ARMH4: variants seen among roughly 807,000 people sequenced by gnomAD.
ARMH4 encodes armadillo like helical domain containing 4, also known as armadillo-like helical domain-containing protein 4.
In ARMH4, 49 loss-of-function variants were observed where a neutral mutation model predicts 61.9. That is an observed-to-expected ratio of 0.79 (90% CI 0.63 to 1.00). ARMH4 has a LOEUF of 1.00. Among genes scored for constraint, ARMH4 ranks in the 50% least tolerant of loss-of-function variants. The pLI, the probability that ARMH4 is intolerant of heterozygous loss-of-function variation, is 0.00. For synonymous variants in ARMH4, 368 were observed against 341.5 expected (o/e 1.08, Z -0.85); for missense variants, 934 against 930.0 (o/e 1.00, Z -0.06).
rs1452239402 is a variant in ARMH4 at position 58,003,740 on chromosome 14, T to C, written c.*996A>G. Reference sequence around the variant, plus strand: ...CTCTGGCCACTGGGCAGACAAACGATAGAATGTCTATTTTTCTAATAAAGC... The same window carrying C: ...CTCTGGCCACTGGGCAGACAAACGACAGAATGTCTATTTTTCTAATAAAGC... On this transcript the variant is annotated 3_prime_UTR_variant, in exon 8 of 8. Transcript: ENST00000267485. 2 of 152,202 alleles carry C rather than the reference T, an allele frequency of 1.3e-5. No individual in the cohort carries two copies. Among genetic ancestry groups the C allele is most frequent in the African/African-American group, 2.4e-5 (1 of 41,456 alleles). 9.4% of individuals were successfully genotyped at this position (152,202 alleles called of 1,614,324 possible). A position where few individuals can be genotyped will look rare whatever the true frequency, so the allele number is the denominator to read the frequency against.
chr14:58,033,163 T>C lies in ARMH4; in HGVS notation c.2090-21013A>G, dbSNP rs867333757. Among the ~76,000 whole-genome samples, 83 of 106,772 alleles carry C rather than the reference T, an allele frequency of 7.8e-4. 1 individual carries two copies. Among genetic ancestry groups the C allele is most frequent in the Middle Eastern group, 4.2e-3 (1 of 236 alleles). The allele number at this position is 106,772 out of a possible 152,430, so 70.0% of individuals were successfully genotyped here. ...ACTTAAGTGTCCCTGTCTGACAGCT[T>C]TGAAGAGAGCAGTGGTTCTCCCAGC... On this transcript the variant is annotated intron_variant, in intron 5 of 7. Coordinates refer to ENST00000267485, the MANE Select transcript of ARMH4 (RefSeq NM_001001872.4).
chr14:58,056,899 T>G (rs1884365908), intron 5 of ARMH4, among the ~76,000 whole-genome samples: 1 of 152,190 alleles, frequency 6.6e-6, no homozygotes, highest in Admixed American at 6.6e-5. Context: ...AATGAAATGT[T>G]AGTGGAAGTG....
At chr14:58,140,346 CG>C (rs1887492351) in intron 1 of ARMH4, among the ~76,000 whole-genome samples, 1 of 149,284 alleles carries the variant, frequency 6.7e-6, no homozygotes, top group African/African-American at 2.5e-5. Context: ...TTTAGGAGGC[CG>C]AGGCCAGCAG....
At chr14:58,103,398 TCCA>T (rs989529299) in intron 4 of ARMH4, among the ~76,000 whole-genome samples, 5 of 152,094 alleles carry the variant, frequency 3.3e-5, no homozygotes, top group African/African-American at 9.7e-5. Context: ...CTTCTGCTCT[TCCA>T]CCACATGAGG....
chr14:58,093,744 G>GT (rs1424599581), intron 5 of ARMH4, among the ~76,000 whole-genome samples: 1 of 152,102 alleles, frequency 6.6e-6, no homozygotes, highest in Non-Finnish European at 1.5e-5. Flanking sequence ...CCGAGAAAAG[G>GT]TTGGTGGGCT....
intron 4 of ARMH4, among the ~76,000 whole-genome samples, chr14:58,105,668 C>A (rs1358275842): frequency 1.4e-5 from 2 of 141,244 alleles, no homozygotes; most frequent in African/African-American, 2.7e-5. Context: ...GCCTGGGCAA[C>A]AGAGTAAGAC....
chr14:58,096,573 A>G (rs1885755783), intron 5 of ARMH4, 151 bp downstream of exon 5: 1 of 805,726 alleles, frequency 1.2e-6, no homozygotes, highest in East Asian at 2.7e-5. Flanking sequence ...GTTTATACTT[A>G]TATTCTTAAC....
chr14:58,053,753 T>C (rs912576451), intron 5 of ARMH4, among the ~76,000 whole-genome samples: 2 of 152,208 alleles, frequency 1.3e-5, no homozygotes, highest in African/African-American at 4.8e-5. Context: ...TCTCTGGCAT[T>C]GCATGATCCT....
chr14:58,066,725 G>C (rs1466643233), intron 5 of ARMH4, among the ~76,000 whole-genome samples: 1 of 152,168 alleles, frequency 6.6e-6, no homozygotes. Flanking sequence ...AAAAACAGCT[G>C]TACTGCATAC....
chr14:58,128,173 A>C (rs1040090169), intron 4 of ARMH4, among the ~76,000 whole-genome samples: 4 of 152,246 alleles, frequency 2.6e-5, no homozygotes, highest in Admixed American at 2.0e-4. Flanking sequence ...GACTTCTTTA[A>C]GTAGGTAAGA....
chr14:58,005,783 T>G (rs539849846), intron 6 of ARMH4, among the ~76,000 whole-genome samples: 4 of 152,204 alleles, frequency 2.6e-5, no homozygotes, highest in Admixed American at 2.6e-4. Context: ...AGGAGGAATG[T>G]TAGATGTTGG....
At chr14:58,144,877 C>A (rs527859189) in intron 1 of ARMH4, among the ~76,000 whole-genome samples, 1 of 151,822 alleles carries the variant, frequency 6.6e-6, no homozygotes, top group Non-Finnish European at 1.5e-5. Context: ...CAAAAAAAAA[C>A]AAACAAAAAA....
At chr14:58,097,705 TA>T (rs34335228) in intron 4 of ARMH4, among the ~76,000 whole-genome samples, 52,404 of 147,548 alleles carry the variant, frequency 0.36, 10,479 homozygotes, top group Non-Finnish European at 0.46. Flanking sequence ...ATTTTTTATT[TA>T]TTTATTTATT....
At chr14:58,052,294 A>T (rs1399487454) in intron 5 of ARMH4, among the ~76,000 whole-genome samples, 1 of 152,104 alleles carries the variant, frequency 6.6e-6, no homozygotes, top group Non-Finnish European at 1.5e-5. Context: ...CATTTGCTGG[A>T]CCCCAGTAGC....
intron 5 of ARMH4, among the ~76,000 whole-genome samples, chr14:58,040,948 G>A (rs907770495): frequency 9.9e-5 from 15 of 152,146 alleles, no homozygotes; most frequent in East Asian, 3.9e-4. Context: ...AGTATCCTAC[G>A]TTCCTCTAAG....
chr14:58,132,763 T>G (rs1887157914), intron 3 of ARMH4, among the ~76,000 whole-genome samples: 1 of 151,920 alleles, frequency 6.6e-6, no homozygotes, highest in Non-Finnish European at 1.5e-5. Context: ...TTTTTTGTAT[T>G]TTTAGTAGAG....
chr14:58,087,271 T>C (rs1885414453), intron 5 of ARMH4, among the ~76,000 whole-genome samples: 1 of 152,184 alleles, frequency 6.6e-6, no homozygotes, highest in Admixed American at 6.5e-5. Context: ...ACCTACTACT[T>C]ATAGTATTGC....
intron 5 of ARMH4, among the ~76,000 whole-genome samples, chr14:58,038,552 T>TTAA (rs1555337112): frequency 7.3e-6 from 1 of 136,926 alleles, no homozygotes; most frequent in Admixed American, 7.2e-5. Context: ...TAAAGTATAA[T>TTAA]AAAAAAAAAT....
In ARMH4 at chr14:58,122,840, G is replaced by A. The variant is rs560063415; in HGVS notation, c.1831+8672C>T. Among the ~76,000 whole-genome samples, 4 of 152,300 alleles carry A rather than the reference G, an allele frequency of 2.6e-5. No individual in the cohort carries two copies. In the South Asian group the frequency reaches 8.3e-4, roughly 32 times the overall value. ...TCACTGGAAGGCCCACTGCCCCAGG[G>A]GATGAAGGTCCTCTGAGTCAGAAAC... On this transcript the variant is annotated intron_variant, in intron 4 of 7. Transcript: ENST00000267485.
Sources: allele counts gnomAD v4.1 joint callset (sites outside exome capture counted in the v4.1 genomes callset), GRCh38; gene constraint gnomAD v4.1.1; transcripts MANE v1.5; gene names NCBI Gene and HGNC (gene_info 2026-07-23, HGNC 2026-07-21).